ASNS: variants seen among roughly 807,000 people sequenced by gnomAD.
ASNS encodes asparagine synthetase (glutamine-hydrolyzing).
A neutral mutation model predicts 62.6 loss-of-function variants in ASNS; 37 were observed. The observed-to-expected ratio is 0.59, with a 90% CI of 0.45 to 0.78. The LOEUF (loss-of-function observed/expected upper bound fraction) is 0.78. Ranked by LOEUF, ASNS falls within the 30% of genes least tolerant of loss-of-function variation. ASNS has a pLI of 0.00. For synonymous variants in ASNS, 207 were observed against 237.9 expected (o/e 0.87, Z 1.19); for missense variants, 520 against 682.4 (o/e 0.76, Z 2.65).
intron 3 of ASNS, among the ~76,000 whole-genome samples, chr7:97,868,650 G>A (rs774938308): frequency 6.6e-6 from 1 of 152,136 alleles, no homozygotes; most frequent in East Asian, 1.9e-4. Flanking sequence ...AAAATGAAAA[G>A]CTGGGGAGAA....
chr7:97,895,803 A>AAAAAATT, the ASNS span, among the ~76,000 whole-genome samples: 1 of 152,200 alleles, frequency 6.6e-6, no homozygotes, highest in Admixed American at 6.5e-5. Context: ...AATAAAAAAT[A>AAAAAATT]AAAAACATTT....
At chr7:97,927,281 C>G in the ASNS span, among the ~76,000 whole-genome samples, 1 of 152,126 alleles carries the variant, frequency 6.6e-6, no homozygotes, top group African/African-American at 2.4e-5. Context: ...CACACCAAGG[C>G]ATGAGTTTTA....
At chr7:97,859,426 C>G in intron 4 of ASNS, 28 bp from the exon 5 acceptor site, 1 of 1,555,684 alleles carries the variant, frequency 6.4e-7, no homozygotes. Context: ...TACCTTTATT[C>G]AAATTAGGTA....
At chr7:97,907,624 C>G in the ASNS span, among the ~76,000 whole-genome samples, 1 of 152,032 alleles carries the variant, frequency 6.6e-6, no homozygotes. Flanking sequence ...AAAAAGTTAG[C>G]CAGGCATGGA....
chr7:97,888,438 C>T, the ASNS span, among the ~76,000 whole-genome samples: 2 of 151,576 alleles, frequency 1.3e-5, no homozygotes, highest in Non-Finnish European at 2.9e-5. Flanking sequence ...GGCCCTCTGA[C>T]TGTATAAATT....
At chr7:97,919,872 C>A in the ASNS span, among the ~76,000 whole-genome samples, 1 of 152,186 alleles carries the variant, frequency 6.6e-6, no homozygotes, top group Non-Finnish European at 1.5e-5. Context: ...CAAAGCCCAG[C>A]CTCACCTGGA....
At chr7:97,893,504 CA>C in the ASNS span, among the ~76,000 whole-genome samples, 1 of 152,234 alleles carries the variant, frequency 6.6e-6, no homozygotes, top group African/African-American at 2.4e-5. Flanking sequence ...TAAAGACACA[CA>C]CAGACTGAAA....
At chr7:97,853,259 T>C in intron 11 of ASNS, 44 bp from the exon 12 acceptor site, 12 of 1,611,158 alleles carry the variant, frequency 7.4e-6, no homozygotes, top group Non-Finnish European at 1.0e-5. Context: ...ATTACAAATA[T>C]AATCTGATGG....
At chr7:97,870,627 C>A (rs1337397866) in intron 1 of ASNS, among the ~76,000 whole-genome samples, 2 of 152,084 alleles carry the variant, frequency 1.3e-5, no homozygotes, top group Non-Finnish European at 2.9e-5. Context: ...CCCAAATAGC[C>A]TATAACAAAT....
chr7:97,922,399 G>A, the ASNS span, among the ~76,000 whole-genome samples: 2 of 152,042 alleles, frequency 1.3e-5, no homozygotes, highest in South Asian at 4.1e-4. Context: ...GAAAAAAGTT[G>A]AATTCACAGA....
chr7:97,889,332 C>T, the ASNS span, among the ~76,000 whole-genome samples: 1 of 152,166 alleles, frequency 6.6e-6, no homozygotes, highest in African/African-American at 2.4e-5. Flanking sequence ...GCCTGGCCAA[C>T]ATAGTGAAAC....
At chr7:97,866,794 T>C (rs1027374492) in intron 3 of ASNS, among the ~76,000 whole-genome samples, 12 of 152,232 alleles carry the variant, frequency 7.9e-5, no homozygotes, top group Non-Finnish European at 1.5e-4. Flanking sequence ...AAATGGGCTT[T>C]GCCTCCAGTG....
the ASNS span, among the ~76,000 whole-genome samples, chr7:97,892,750 C>T: frequency 6.6e-6 from 1 of 152,216 alleles, no homozygotes; most frequent in Non-Finnish European, 1.5e-5. Context: ...TAACAAGTTC[C>T]TCATTTCCAT....
rs1562811397 is a variant in ASNS at position 97,852,485 on chromosome 7, A to G, written c.1477-17T>C. 1.9e-6 allele frequency: 3 copies of G among 1,612,268 alleles called. No individual in the cohort carries two copies. Among genetic ancestry groups the G allele is most frequent in the African/African-American group, 2.7e-5 (2 of 74,910 alleles). Reference sequence around the variant, plus strand: ...ATCATCAACCTGTAAGAATAAGCATATAAGAGCAAAATGGCTTAAAATGGC... The same window carrying G: ...ATCATCAACCTGTAAGAATAAGCATGTAAGAGCAAAATGGCTTAAAATGGC... On this transcript the variant is annotated splice_polypyrimidine_tract_variant and intron_variant, in intron 12 of 12. Coordinates refer to ENST00000394308, the MANE Select transcript of ASNS (RefSeq NM_001673.5).
At chr7:97,856,619 A>G in intron 8 of ASNS, 71 bp downstream of exon 8, 1 of 1,334,060 alleles carries the variant, frequency 7.5e-7, no homozygotes, top group African/African-American at 1.5e-5. Flanking sequence ...GCTTGAAATA[A>G]TTTTTTTAAA....
chr7:97,910,891 C>T, the ASNS span, among the ~76,000 whole-genome samples: 11 of 152,272 alleles, frequency 7.2e-5, no homozygotes, highest in Non-Finnish European at 1.2e-4. Context: ...TGAGCCACCA[C>T]GCCTAGCCTT....
rs4568556 is a variant in ASNS at position 97,855,166 on chromosome 7, A to T, written c.1137+187T>A. 120,828 of 528,480 alleles carry T rather than the reference A, an allele frequency of 0.23. 15,152 individuals carry two copies. The highest frequency in any genetic ancestry group is 0.35 in the East Asian group (11,542 of 32,962). The allele number at this position is 528,480 out of a possible 1,614,324, so 32.7% of individuals were successfully genotyped here. On this transcript the variant is annotated intron_variant, in intron 9 of 12. Transcript: ENST00000394308. ...CTGTAACTAGTTTTAAAGAATAAAAATTATCTGACACATTAAAATTTCTTT... is the reference window on the plus strand; with the variant it reads ...CTGTAACTAGTTTTAAAGAATAAAATTTATCTGACACATTAAAATTTCTTT...
the ASNS span, among the ~76,000 whole-genome samples, chr7:97,911,822 G>A: frequency 6.6e-6 from 1 of 151,886 alleles, no homozygotes; most frequent in African/African-American, 2.4e-5. Flanking sequence ...CAGCTCAGTC[G>A]ACCCATGCGC....
chr7:97,884,586 A>C, the ASNS span, among the ~76,000 whole-genome samples: 1 of 152,134 alleles, frequency 6.6e-6, no homozygotes, highest in Non-Finnish European at 1.5e-5. Flanking sequence ...TATGCCTATC[A>C]ACCTCAGGGA....
Sources: gnomAD v4.1 joint callset for allele counts (sites outside exome capture counted in the v4.1 genomes callset) on GRCh38, gnomAD v4.1.1 for gene constraint, MANE v1.5 for transcripts, NCBI Gene and HGNC (gene_info 2026-07-23, HGNC 2026-07-21) for gene names.